Variants in HLCS observed in about 807,000 individuals in gnomAD.
The protein encoded by HLCS is biotin--protein ligase.
A neutral mutation model predicts 75.0 loss-of-function variants in HLCS; 53 were observed. That is an observed-to-expected ratio of 0.71 (90% CI 0.57 to 0.89). The LOEUF is 0.89. Among genes scored for constraint, HLCS ranks in the 40% least tolerant of loss-of-function variants. HLCS has a pLI of 0.00. For synonymous variants in HLCS, 431 were observed against 428.6 expected (o/e 1.01, Z -0.07); for missense variants, 966 against 1,074.0 (o/e 0.90, Z 1.41).
intron 6 of HLCS, among the ~76,000 whole-genome samples, chr21:36,836,899 C>T (rs141869880): frequency 1.3e-4 from 20 of 152,092 alleles, no homozygotes; most frequent in East Asian, 3.9e-4. Flanking sequence ...AAAAACTGCA[C>T]GGCGGCTGGG....
intron 2 of HLCS, among the ~76,000 whole-genome samples, chr21:36,944,908 G>C (rs1448637502): frequency 6.6e-6 from 1 of 152,088 alleles, no homozygotes; most frequent in East Asian, 1.9e-4. Flanking sequence ...GGATCACGAG[G>C]TCAGGAGATC....
intron 6 of HLCS, among the ~76,000 whole-genome samples, chr21:36,838,912 A>G (rs2146086181): frequency 6.6e-6 from 1 of 152,310 alleles, no homozygotes; most frequent in East Asian, 1.9e-4. Flanking sequence ...CCTTGATTTC[A>G]GACTTGTGGC....
At chr21:36,943,521 C>T (rs2067243824) in intron 2 of HLCS, 1 of 152,716 alleles carries the variant, frequency 6.5e-6, no homozygotes, top group Non-Finnish European at 1.5e-5. Flanking sequence ...TCAACAACAG[C>T]AAATATCTGA....
chr21:36,891,520 G>A (rs2064784553), intron 6 of HLCS, among the ~76,000 whole-genome samples: 1 of 152,178 alleles, frequency 6.6e-6, no homozygotes, highest in African/African-American at 2.4e-5. Flanking sequence ...ATGGGCAGAG[G>A]ATCACTGGCA....
In HLCS at chr21:36,966,494, G is replaced by T; in HGVS notation, c.145C>A (p.Arg49Ser). 1.0e-6 allele frequency: 1 copy of T among 976,474 alleles called. No homozygotes were observed. Among genetic ancestry groups the T allele is most frequent in the Non-Finnish European group, 1.2e-6 (1 of 828,354 alleles). The allele number at this position is 976,474 out of a possible 1,614,324, so 60.5% of individuals were successfully genotyped here. ...CGAAAQPPGA[R>S]VCLSRGGRVF... is the part of the protein sequence containing the mutation. ...CGGCCGCCACGGCTCAGGCACACGC[G>T]GGCGCCCGGGGGCTGCGCGGCCGCG... Residue 49 changes from arginine (R) to serine (S), a missense_variant, in exon 1 of 11, where the codon CGC (arginine) becomes AGC (serine). Transcript: ENST00000674895.
intron 2 of HLCS, among the ~76,000 whole-genome samples, chr21:36,957,745 T>C (rs2068040879): frequency 1.4e-5 from 2 of 147,956 alleles, no homozygotes; most frequent in Admixed American, 6.8e-5. Flanking sequence ...CCGACTAACA[T>C]GGTGAAACCC....
intron 6 of HLCS, among the ~76,000 whole-genome samples, chr21:36,778,170 C>A (rs779967517): frequency 9.2e-5 from 14 of 152,040 alleles, no homozygotes; most frequent in Non-Finnish European, 1.5e-4. Flanking sequence ...GGGGTTTCAC[C>A]ATGTTAGCCA....
At chr21:36,826,160 G>A (rs554406617) in intron 6 of HLCS, among the ~76,000 whole-genome samples, 1 of 152,084 alleles carries the variant, frequency 6.6e-6, no homozygotes, top group Non-Finnish European at 1.5e-5. Context: ...CTGCACACTC[G>A]TGAAACAGTT....
intron 10 of HLCS, among the ~76,000 whole-genome samples, chr21:36,756,040 C>G (rs1200504165): frequency 6.6e-6 from 1 of 152,206 alleles, no homozygotes; most frequent in Admixed American, 6.5e-5. Context: ...CCCGTTTGCT[C>G]CATTACTTGT....
intron 6 of HLCS, among the ~76,000 whole-genome samples, chr21:36,777,313 C>T (rs1230086443): frequency 6.6e-6 from 1 of 152,206 alleles, no homozygotes; most frequent in Non-Finnish European, 1.5e-5. Flanking sequence ...ATAGTTTTGC[C>T]TTTCCCAAAG....
intron 6 of HLCS, among the ~76,000 whole-genome samples, chr21:36,868,849 C>T (rs2063666037): frequency 6.6e-6 from 1 of 152,110 alleles, no homozygotes. Context: ...GAAGTCCATC[C>T]ACCCTAGTCT....
At chr21:36,883,346 C>G (rs1413717877) in intron 6 of HLCS, among the ~76,000 whole-genome samples, 1 of 152,114 alleles carries the variant, frequency 6.6e-6, no homozygotes, top group Non-Finnish European at 1.5e-5. Flanking sequence ...GGATGCCTAA[C>G]AAGTAGGAGG....
chr21:36,936,514 C>T lies in HLCS; in HGVS notation c.1372G>A (p.Asp458Asn), dbSNP rs775566151. Residue 458 changes from aspartate to asparagine, a missense_variant, in exon 4 of 11, where the codon GAC becomes AAC. Coordinates refer to ENST00000674895, the MANE Select transcript of HLCS (RefSeq NM_001352514.2). Reference sequence around the variant, plus strand: ...ACATGCACAATCATCCTGTCCTTGTCCTCATTCTCCAGGTGGCCCTGGAGC... The same window carrying T: ...ACATGCACAATCATCCTGTCCTTGTTCTCATTCTCCAGGTGGCCCTGGAGC... ...GRLQGHLENE[D>N]KDRMIVHVPF... 3 of 1,614,124 alleles carry T rather than the reference C, an allele frequency of 1.9e-6. No homozygotes were observed. In the South Asian group the frequency reaches 3.3e-5, roughly 18 times the overall value.
At chr21:36,808,233 T>TG (rs2145948019) in intron 6 of HLCS, among the ~76,000 whole-genome samples, 1 of 152,318 alleles carries the variant, frequency 6.6e-6, no homozygotes, top group East Asian at 1.9e-4. Context: ...AATGTAACAT[T>TG]GGGAGCATTT....
intron 6 of HLCS, among the ~76,000 whole-genome samples, chr21:36,883,248 G>C (rs2064306833): frequency 6.6e-6 from 1 of 152,102 alleles, no homozygotes; most frequent in African/African-American, 2.4e-5. Context: ...CTCCAAAGCA[G>C]GTAACTGTTT....
At chr21:36,913,274 C>T (rs896350507) in intron 5 of HLCS, among the ~76,000 whole-genome samples, 11 of 152,174 alleles carry the variant, frequency 7.2e-5, no homozygotes, top group African/African-American at 2.7e-4. Context: ...ACAAAGAGAC[C>T]TACCTAACCC....
intron 6 of HLCS, among the ~76,000 whole-genome samples, chr21:36,866,922 A>AT (rs2063578295): frequency 6.6e-6 from 1 of 150,852 alleles, no homozygotes; most frequent in South Asian, 2.1e-4. Flanking sequence ...GCTAGTGCTC[A>AT]TTTTTTCCCT....
intron 6 of HLCS, among the ~76,000 whole-genome samples, chr21:36,813,789 G>C (rs532483043): frequency 6.6e-6 from 1 of 152,266 alleles, no homozygotes; most frequent in East Asian, 1.9e-4. Flanking sequence ...AGAAATATTA[G>C]GTCACAAGCT....
At chr21:36,869,794 G>A (rs2063708742) in intron 6 of HLCS, among the ~76,000 whole-genome samples, 1 of 151,898 alleles carries the variant, frequency 6.6e-6, no homozygotes, top group Non-Finnish European at 1.5e-5. Flanking sequence ...ATAACATCTG[G>A]GTTAAAATCA....
Sources: allele counts gnomAD v4.1 joint callset (sites outside exome capture counted in the v4.1 genomes callset), GRCh38; gene constraint gnomAD v4.1.1; transcripts MANE v1.5; gene names NCBI Gene and HGNC (gene_info 2026-07-23, HGNC 2026-07-21).